The following PSMA6 variants were observed in gnomAD, a reference collection of about 807,000 sequenced individuals.
PSMA6 encodes proteasome subunit alpha type-6.
For missense variants in PSMA6, 170 were observed against 294.8 expected, an observed-to-expected ratio of 0.58 and a Z score of 3.10; for synonymous variants, 88 against 97.7, an observed-to-expected ratio of 0.90 and a Z score of 0.59.
chr14:35,306,884 C>A (rs941229400), intron 1 of PSMA6, among the ~76,000 whole-genome samples: 3 of 151,946 alleles, frequency 2.0e-5, no homozygotes, highest in Non-Finnish European at 4.4e-5. Context: ...TGGTGGCTCA[C>A]GCCTGTAATC....
upstream of PSMA6, among the ~76,000 whole-genome samples, chr14:35,289,082 G>A (rs1398397597): frequency 6.6e-6 from 1 of 152,138 alleles, no homozygotes; most frequent in Non-Finnish European, 1.5e-5. Flanking sequence ...CCTGGCTTGA[G>A]CCTAGGAGTT....
chr14:35,292,438 G>C lies in PSMA6; in HGVS notation c.-39G>C. The C allele has an allele frequency of 6.3e-7, 1 of 1,594,820 alleles. No homozygotes were observed. The highest frequency in any genetic ancestry group is 1.1e-5 in the South Asian group (1 of 89,150). On this transcript the variant is annotated 5_prime_UTR_variant, in exon 1 of 7. Transcript: ENST00000261479. Reference sequence around the variant, plus strand: ...TTGTGTGCCTGGTGCGGGAGCTACGGGGCCCAGGGATTGTGTTTAAAGTAG... The same window carrying C: ...TTGTGTGCCTGGTGCGGGAGCTACGCGGCCCAGGGATTGTGTTTAAAGTAG...
At chr14:35,306,733 A>G (rs1375770623) in intron 1 of PSMA6, among the ~76,000 whole-genome samples, 1 of 152,144 alleles carries the variant, frequency 6.6e-6, no homozygotes, top group Non-Finnish European at 1.5e-5. Flanking sequence ...GCCATTATCA[A>G]TTATGCTACA....
At chr14:35,288,412 C>T (rs534488816), upstream of PSMA6, among the ~76,000 whole-genome samples, 175 of 152,276 alleles carry the variant, frequency 1.1e-3, no homozygotes, top group Non-Finnish European at 1.9e-3. Context: ...GCACAAGAAT[C>T]ACTTGAACCC....
Position 35,307,969 on chromosome 14 carries a change from TAAAAA to T in PSMA6, c.77-21_77-17del, listed in dbSNP as rs554466773. The T allele has an allele frequency of 5.6e-4, 900 of 1,604,848 alleles. 6 individuals are homozygous for T. In the Middle Eastern group the frequency reaches 5.7e-3, roughly 10 times the overall value. Reference sequence around the variant, plus strand: ...GAATCTACAGTAATTTATTCCAACTTAAAAAAAACTGTTCTGTTTTCCAGAATATG... The same window carrying T: ...GAATCTACAGTAATTTATTCCAACTTAAACTGTTCTGTTTTCCAGAATATG... On this transcript the variant is annotated intron_variant, in intron 1 of 6. Coordinates refer to ENST00000261479, the MANE Select transcript of PSMA6 (RefSeq NM_002791.3).
intron 1 of PSMA6, among the ~76,000 whole-genome samples, chr14:35,295,162 ACT>A (rs1201025504): frequency 6.6e-6 from 1 of 151,972 alleles, no homozygotes; most frequent in Non-Finnish European, 1.5e-5. Flanking sequence ...ACATGGTGAA[ACT>A]CTGTCTCTAC....
upstream of PSMA6, chr14:35,292,311 C>G (rs951071397): frequency 2.1e-6 from 3 of 1,447,504 alleles, no homozygotes; most frequent in African/African-American, 1.4e-5. Context: ...GGCCTCAGAG[C>G]TCAGTGCTCG....
upstream of PSMA6, among the ~76,000 whole-genome samples, chr14:35,287,424 T>A (rs1284089176): frequency 6.6e-6 from 1 of 152,204 alleles, no homozygotes; most frequent in Non-Finnish European, 1.5e-5. Flanking sequence ...TAGGCTTCTT[T>A]TTTTTTATTC....
intron 1 of PSMA6, among the ~76,000 whole-genome samples, chr14:35,282,997 C>T (rs927529779): frequency 1.3e-5 from 2 of 151,974 alleles, no homozygotes; most frequent in African/African-American, 4.8e-5. Flanking sequence ...CGTGCACCAC[C>T]ACACCCAGCT....
At chr14:35,295,253 C>T (rs1231581332) in intron 1 of PSMA6, among the ~76,000 whole-genome samples, 1 of 151,484 alleles carries the variant, frequency 6.6e-6, no homozygotes, top group Non-Finnish European at 1.5e-5. Flanking sequence ...ACAAGAATCG[C>T]TTGAACCTAG....
At chr14:35,291,189 A>G (rs991534664), upstream of PSMA6, among the ~76,000 whole-genome samples, 6 of 133,880 alleles carry the variant, frequency 4.5e-5, no homozygotes, top group Non-Finnish European at 6.3e-5. Context: ...GGGCCTTCCT[A>G]TGTTGGCCAG....
At chr14:35,285,023 A>C (rs943493195) in intron 1 of PSMA6, among the ~76,000 whole-genome samples, 3 of 152,194 alleles carry the variant, frequency 2.0e-5, no homozygotes, top group African/African-American at 7.2e-5. Context: ...TGAGGATCTC[A>C]GCTGAGGTTC....
upstream of PSMA6, among the ~76,000 whole-genome samples, chr14:35,289,915 CAAAA>C (rs750610944): frequency 8.8e-5 from 7 of 79,620 alleles, no homozygotes; most frequent in African/African-American, 2.0e-4. Context: ...TACCGCATTT[CAAAA>C]AAAAAAAAAA....
chr14:35,307,664 G>A (rs571024827), intron 1 of PSMA6, among the ~76,000 whole-genome samples: 2 of 152,262 alleles, frequency 1.3e-5, no homozygotes, highest in South Asian at 4.1e-4. Flanking sequence ...AACCTGGCAG[G>A]CAGAGGTTGC....
intron 2 of PSMA6, 109 bp from the exon 3 acceptor site, chr14:35,308,805 T>C (rs903038289): frequency 6.6e-5 from 49 of 743,556 alleles, no homozygotes; most frequent in Non-Finnish European, 1.1e-4. Context: ...GGTTCCATAG[T>C]ATTGTTTTCT....
Sources: allele counts gnomAD v4.1 joint callset (sites outside exome capture counted in the v4.1 genomes callset), GRCh38; gene constraint gnomAD v4.1.1; transcripts MANE v1.5; gene names NCBI Gene and HGNC (gene_info 2026-07-23, HGNC 2026-07-21).